The following GRB10 variants were observed in gnomAD, a reference collection of about 807,000 sequenced individuals.
GRB10 encodes the protein growth factor receptor-bound protein 10.
A neutral mutation model predicts 80.9 loss-of-function variants in GRB10; 20 were observed. The observed-to-expected ratio is 0.25, with a 90% CI of 0.17 to 0.36. The LOEUF (loss-of-function observed/expected upper bound fraction) is 0.36. GRB10 is among the 10% of genes least tolerant of loss of function. The pLI is 1.00. For synonymous variants in GRB10, 291 were observed against 291.5 expected, an observed-to-expected ratio of 1.00 and a Z score of 0.02; for missense variants, 548 against 747.7, an observed-to-expected ratio of 0.73 and a Z score of 3.12.
chr7:50,668,411 G>A (rs779189268), intron 7 of GRB10, among the ~76,000 whole-genome samples: 3 of 152,000 alleles, frequency 2.0e-5, no homozygotes, highest in Admixed American at 1.3e-4. Flanking sequence ...TCAAAGTCCC[G>A]GGAAGCCAAT....
chr7:50,665,028 T>A (rs1026805408), intron 7 of GRB10, among the ~76,000 whole-genome samples: 2 of 152,202 alleles, frequency 1.3e-5, no homozygotes, highest in Non-Finnish European at 2.9e-5. Flanking sequence ...AACCACTGAA[T>A]AAAATTAAAT....
intron 5 of GRB10, among the ~76,000 whole-genome samples, chr7:50,698,672 A>T (rs2063753927): frequency 6.6e-6 from 1 of 152,230 alleles, no homozygotes; most frequent in South Asian, 2.1e-4. Context: ...CCTTGAACTA[A>T]CAACATCCTT....
chr7:50,791,466 T>A (rs543717023), intron 1 of GRB10, among the ~76,000 whole-genome samples: 1 of 152,278 alleles, frequency 6.6e-6, no homozygotes, highest in East Asian at 1.9e-4. Flanking sequence ...GATCCAAAGC[T>A]TAGGTTCTAG....
intron 4 of GRB10, among the ~76,000 whole-genome samples, chr7:50,715,045 G>A (rs1428745901): frequency 2.2e-5 from 3 of 138,588 alleles, no homozygotes; most frequent in Admixed American, 6.6e-5. Flanking sequence ...GGTTTGATAT[G>A]ATGAATCCTT....
chr7:50,690,667 T>TGAATGAAC (rs971707243), intron 5 of GRB10, among the ~76,000 whole-genome samples: 1 of 144,552 alleles, frequency 6.9e-6, no homozygotes, highest in Non-Finnish European at 1.5e-5. Context: ...GTTTCACAAA[T>TGAATGAAC]GAATGAACGA....
chr7:50,725,386 T>A (rs1354293476), intron 4 of GRB10, among the ~76,000 whole-genome samples: 1 of 152,182 alleles, frequency 6.6e-6, no homozygotes, highest in Non-Finnish European at 1.5e-5. Context: ...GCTGCGGAAC[T>A]ATGAGTCAAT....
chr7:50,763,965 G>A (rs575055527), intron 2 of GRB10, among the ~76,000 whole-genome samples: 5 of 152,350 alleles, frequency 3.3e-5, no homozygotes, highest in South Asian at 4.1e-4. Context: ...CAGGCCTGAC[G>A]CGTGTGGCCC....
At chr7:50,654,535 C>A (rs2058414905) in intron 7 of GRB10, among the ~76,000 whole-genome samples, 2 of 152,202 alleles carry the variant, frequency 1.3e-5, no homozygotes, top group Admixed American at 1.3e-4. Context: ...GAGCTCACTG[C>A]AGCATCAGTG....
intron 5 of GRB10, among the ~76,000 whole-genome samples, chr7:50,698,135 T>C (rs996586669): frequency 5.3e-5 from 8 of 152,168 alleles, no homozygotes; most frequent in Non-Finnish European, 1.2e-4. Flanking sequence ...TGCCAGTTTT[T>C]CTATGTAATT....
At chr7:50,734,493 G>A (rs2070453993) in intron 3 of GRB10, among the ~76,000 whole-genome samples, 1 of 152,078 alleles carries the variant, frequency 6.6e-6, no homozygotes, top group African/African-American at 2.4e-5. Flanking sequence ...CCCTGCTGTG[G>A]TCATCTCCCA....
intron 7 of GRB10, among the ~76,000 whole-genome samples, chr7:50,665,937 G>C (rs181115023): frequency 1.2e-4 from 18 of 152,308 alleles, no homozygotes; most frequent in African/African-American, 3.8e-4. Flanking sequence ...AGATGACTCA[G>C]GCAAGCCCCA....
intron 2 of GRB10, among the ~76,000 whole-genome samples, chr7:50,775,370 C>T (rs2077515326): frequency 6.6e-6 from 1 of 152,174 alleles, no homozygotes; most frequent in Non-Finnish European, 1.5e-5. Context: ...GAGTTGGGTT[C>T]CCAAGGACCT....
intron 7 of GRB10, among the ~76,000 whole-genome samples, chr7:50,650,823 A>T (rs1331993520): frequency 1.3e-5 from 2 of 152,094 alleles, no homozygotes; most frequent in Non-Finnish European, 2.9e-5. Context: ...AGTAGTGAAT[A>T]AATTGGGAGT....
At chr7:50,610,693 G>A (rs2049348633) in intron 13 of GRB10, among the ~76,000 whole-genome samples, 1 of 152,196 alleles carries the variant, frequency 6.6e-6, no homozygotes, top group African/African-American at 2.4e-5. Context: ...TAATATGCAT[G>A]TCACTGAGCT....
chr7:50,763,729 G>A (rs899015478), intron 2 of GRB10, among the ~76,000 whole-genome samples: 10 of 152,224 alleles, frequency 6.6e-5, no homozygotes, highest in South Asian at 2.1e-4. Flanking sequence ...CATGTAATCC[G>A]CTAGCCCAGC....
chr7:50,629,964 C>T (rs2053704682), intron 7 of GRB10, among the ~76,000 whole-genome samples: 1 of 152,234 alleles, frequency 6.6e-6, no homozygotes, highest in African/African-American at 2.4e-5. Flanking sequence ...ATTGTTACCA[C>T]AGGCAGTTAA....
intron 1 of GRB10, among the ~76,000 whole-genome samples, chr7:50,789,022 G>T (rs980622151): frequency 2.0e-5 from 3 of 152,178 alleles, no homozygotes; most frequent in Admixed American, 6.5e-5. Flanking sequence ...CTATTATCTG[G>T]TTCAAATGGT....
intron 5 of GRB10, 70 bp downstream of exon 5, chr7:50,703,751 A>G (rs1265224885): frequency 9.2e-7 from 1 of 1,082,590 alleles, no homozygotes; most frequent in South Asian, 1.3e-5. Flanking sequence ...GCAACATTTT[A>G]GAATATCAGA....
chr7:50,767,542 G>A (rs1431566054), intron 2 of GRB10, among the ~76,000 whole-genome samples: 1 of 152,144 alleles, frequency 6.6e-6, no homozygotes, highest in Non-Finnish European at 1.5e-5. Context: ...GGGCAGAGCT[G>A]GCCCACTTTG....
Sources: allele counts gnomAD v4.1 joint callset (sites outside exome capture counted in the v4.1 genomes callset), GRCh38; gene constraint gnomAD v4.1.1; transcripts MANE v1.5; gene names NCBI Gene and HGNC (gene_info 2026-07-23, HGNC 2026-07-21).